Variants in TRPS1 observed in about 807,000 individuals in gnomAD.
The protein encoded by TRPS1 is zinc finger transcription factor Trps1.
TRPS1 carries 6 observed loss-of-function variants against 101.2 expected under a neutral mutation model. The observed-to-expected ratio is 0.06, with a 90% confidence interval of 0.03 to 0.12. TRPS1 has a LOEUF of 0.12. Among genes scored for constraint, TRPS1 ranks in the 10% least tolerant of loss-of-function variants. The probability of loss-of-function intolerance (pLI) is 1.00; values close to 1 mark genes in which losing one functional copy is unlikely to be tolerated. For synonymous variants in TRPS1, 578 were observed against 589.8 expected (o/e 0.98, Z 0.29); for missense variants, 1,363 against 1,567.0 (o/e 0.87, Z 2.20).
chr8:115,559,141 AC>A (rs954851430), intron 5 of TRPS1, among the ~76,000 whole-genome samples: 1 of 152,140 alleles, frequency 6.6e-6, no homozygotes, highest in African/African-American at 2.4e-5. Context: ...ATAACAAAAT[AC>A]ATTATGAAAT....
chr8:115,593,980 C>T (rs192111064), intron 4 of TRPS1, among the ~76,000 whole-genome samples: 9 of 152,144 alleles, frequency 5.9e-5, no homozygotes, highest in Admixed American at 4.6e-4. Flanking sequence ...TATTGATTCC[C>T]CTCATCACAA....
intron 4 of TRPS1, 89 bp from the exon 5 acceptor site, chr8:115,587,693 C>T: frequency 1.9e-6 from 3 of 1,599,376 alleles, no homozygotes; most frequent in Non-Finnish European, 2.6e-6. Flanking sequence ...AATTTTCTAC[C>T]TACTCATGCA....
At position 115,500,865 on chromosome 8, in the gene TRPS1, G is replaced by A. The variant is rs555739257; in HGVS notation, c.2701-82413C>T. Among the ~76,000 whole-genome samples, 5 of 152,204 alleles carry A rather than the reference G, an allele frequency of 3.3e-5. No homozygotes were observed. In the East Asian group the frequency reaches 5.8e-4, roughly 18 times the overall value. On this transcript the variant is annotated intron_variant, in intron 5 of 6. Coordinates refer to ENST00000395715, the MANE Select transcript of TRPS1 (RefSeq NM_014112.5). ...TAGGATTATAGGCAGGAGCCACCGC[G>A]CCCGACCTGAACTTGGTTTTAATGA...
chr8:115,547,004 T>C (rs913711713), intron 5 of TRPS1, among the ~76,000 whole-genome samples: 2 of 152,226 alleles, frequency 1.3e-5, no homozygotes, highest in Admixed American at 1.3e-4. Flanking sequence ...TCAACTACAT[T>C]TGAAGTTCAT....
At chr8:115,570,893 ATAGAATAACCAAGACTTC>A (rs1817188357) in intron 5 of TRPS1, among the ~76,000 whole-genome samples, 1 of 152,218 alleles carries the variant, frequency 6.6e-6, no homozygotes, top group African/African-American at 2.4e-5. Context: ...TTCATTAAAA[ATAGAATAACCAAGACTTC>A]TGACCGAACC....
At chr8:115,487,460 AG>A (rs895206299) in intron 5 of TRPS1, among the ~76,000 whole-genome samples, 39 of 152,198 alleles carry the variant, frequency 2.6e-4, no homozygotes, top group South Asian at 4.1e-4. Flanking sequence ...ATAAGGCTGA[AG>A]CGGCCATAGA....
chr8:115,475,178 G>A (rs1814568503), intron 5 of TRPS1, among the ~76,000 whole-genome samples: 1 of 148,122 alleles, frequency 6.8e-6, no homozygotes, highest in Non-Finnish European at 1.5e-5. Context: ...CACACATCTA[G>A]TTATGTACTG....
rs530055629 is a variant in TRPS1, at chr8:115,413,684, AG to A, written c.*338del. 2.2e-4 allele frequency: 54 copies of A among 247,600 alleles called. 1 individual carries two copies. The highest frequency in any genetic ancestry group is 3.8e-4 in the Non-Finnish European group (48 of 127,922). 15.3% of individuals were successfully genotyped at this position (247,600 alleles called of 1,614,324 possible). ...ATGTAAACCCTTTCAAATTCTAGAC[AG>A]TTTTGGTCTCTTTCTTTATAAATAT... On this transcript the variant is annotated 3_prime_UTR_variant, in exon 7 of 7. Transcript: ENST00000395715.
intron 3 of TRPS1, among the ~76,000 whole-genome samples, chr8:115,617,451 T>C (rs932948018): frequency 2.6e-5 from 4 of 152,188 alleles, no homozygotes; most frequent in African/African-American, 9.6e-5. Flanking sequence ...AACAAATAAC[T>C]GTTTGGGGGA....
At chr8:115,565,465 T>C (rs1817045005) in intron 5 of TRPS1, among the ~76,000 whole-genome samples, 2 of 144,076 alleles carry the variant, frequency 1.4e-5, no homozygotes, top group Non-Finnish European at 3.0e-5. Context: ...TTGTATTTAA[T>C]TGCATTGGAA....
intron 5 of TRPS1, among the ~76,000 whole-genome samples, chr8:115,446,376 C>G (rs550871974): frequency 6.7e-6 from 1 of 150,348 alleles, no homozygotes; most frequent in South Asian, 2.1e-4. Context: ...TTCCCCTGAT[C>G]TCACACTTTT....
Position 115,668,758 on chromosome 8 carries a change from G to A in TRPS1, c.-335C>T, listed in dbSNP as rs1160741922. 6.7e-6 allele frequency: 1 copy of A among 149,242 alleles called. No homozygotes were observed. Among genetic ancestry groups the A allele is most frequent in the Non-Finnish European group, 1.5e-5 (1 of 67,426 alleles). The allele number at this position is 149,242 out of a possible 1,614,324, so 9.2% of individuals were successfully genotyped here. A position where few individuals can be genotyped will look rare whatever the true frequency, so the allele number is the denominator to read the frequency against. ...GAGAGAGAGAAAGAGAAAGGAAATA[G>A]AGCAAGGATGTGCCCGGTGCCGGGT... is the stretch of plus-strand genomic sequence containing the variant. On this transcript the variant is annotated 5_prime_UTR_variant, in exon 1 of 7. Coordinates refer to ENST00000395715, the MANE Select transcript of TRPS1 (RefSeq NM_014112.5).
At chr8:115,450,353 G>A (rs1005450416) in intron 5 of TRPS1, among the ~76,000 whole-genome samples, 1 of 152,118 alleles carries the variant, frequency 6.6e-6, no homozygotes, top group Non-Finnish European at 1.5e-5. Context: ...GAATGGCACA[G>A]GCCTCACCGA....
chr8:115,622,205 A>C (rs551899894), intron 2 of TRPS1, among the ~76,000 whole-genome samples: 2 of 152,048 alleles, frequency 1.3e-5, no homozygotes, highest in Admixed American at 6.5e-5. Flanking sequence ...AAAAGGAAAC[A>C]CTGGTAAACT....
At chr8:115,658,993 G>A (rs981955130) in intron 1 of TRPS1, among the ~76,000 whole-genome samples, 1 of 152,010 alleles carries the variant, frequency 6.6e-6, no homozygotes, top group African/African-American at 2.4e-5. Flanking sequence ...AATAATGAGG[G>A]CATTCCTTCA....
chr8:115,439,867 C>T (rs1231970185), intron 5 of TRPS1, among the ~76,000 whole-genome samples: 1 of 152,138 alleles, frequency 6.6e-6, no homozygotes, highest in Non-Finnish European at 1.5e-5. Context: ...GAGCCCATGG[C>T]ACATTGCAGA....
At chr8:115,596,110 T>C (rs535062414) in intron 4 of TRPS1, among the ~76,000 whole-genome samples, 1 of 152,088 alleles carries the variant, frequency 6.6e-6, no homozygotes, top group South Asian at 2.1e-4. Context: ...TTCAGTCTGA[T>C]TTTACCCATT....
intron 1 of TRPS1, among the ~76,000 whole-genome samples, chr8:115,650,057 C>A (rs1017928101): frequency 1.3e-5 from 2 of 152,182 alleles, no homozygotes; most frequent in Non-Finnish European, 2.9e-5. Flanking sequence ...GCTACCAGAA[C>A]AGCAGGTCTA....
At chr8:115,553,332 G>C (rs1816745400) in intron 5 of TRPS1, among the ~76,000 whole-genome samples, 1 of 152,008 alleles carries the variant, frequency 6.6e-6, no homozygotes, top group Non-Finnish European at 1.5e-5. Context: ...ATCATTTAGA[G>C]TGTCTGTAAA....
Sources: gnomAD v4.1 joint callset for allele counts (sites outside exome capture counted in the v4.1 genomes callset) on GRCh38, gnomAD v4.1.1 for gene constraint, MANE v1.5 for transcripts, NCBI Gene and HGNC (gene_info 2026-07-23, HGNC 2026-07-21) for gene names.